The following RBFOX1 variants were observed in gnomAD, a reference collection of about 807,000 sequenced individuals.
RBFOX1 encodes RNA binding protein fox-1 homolog 1.
Under a neutral mutation model 57.7 loss-of-function variants are expected in RBFOX1, and 8 were observed. The observed-to-expected ratio is 0.14, with a 90% CI of 0.08 to 0.25. RBFOX1 has a LOEUF of 0.25. Ranked by LOEUF, RBFOX1 falls within the 10% of genes least tolerant of loss-of-function variation. The pLI is 1.00. For missense variants in RBFOX1, 611 were observed against 548.5 expected (o/e 1.11, Z -1.14); for synonymous variants, 326 against 222.4 (o/e 1.47, Z -4.15).
At chr16:6,657,566 GGTT>G (rs2098668324) in intron 3 of RBFOX1, among the ~76,000 whole-genome samples, 1 of 152,088 alleles carries the variant, frequency 6.6e-6, no homozygotes, top group Admixed American at 6.6e-5. Flanking sequence ...CACACTGATG[GGTT>G]GTTTAGGAAA....
chr16:5,839,792 T>G (rs1431662624), intron 3 of RBFOX1, among the ~76,000 whole-genome samples: 1 of 152,182 alleles, frequency 6.6e-6, no homozygotes, highest in Admixed American at 6.5e-5. Flanking sequence ...GAATGCGGTT[T>G]TCTTTTCTTG....
intron 4 of RBFOX1, among the ~76,000 whole-genome samples, chr16:7,312,377 T>A (rs541217562): frequency 4.6e-5 from 7 of 152,184 alleles, no homozygotes; most frequent in African/African-American, 1.4e-4. Context: ...TGAAACTCTT[T>A]CTCAACAGCA....
At chr16:7,167,578 C>G (rs946999183) in intron 4 of RBFOX1, among the ~76,000 whole-genome samples, 1 of 152,146 alleles carries the variant, frequency 6.6e-6, no homozygotes, top group Admixed American at 6.5e-5. Context: ...TTTAGGATTT[C>G]TGGCCTCCAG....
intron 2 of RBFOX1, among the ~76,000 whole-genome samples, chr16:6,440,874 C>T (rs2094363396): frequency 1.3e-5 from 2 of 150,402 alleles, no homozygotes; most frequent in Admixed American, 6.6e-5. Context: ...TCAAGTGCAA[C>T]AGTGAACAGT....
At chr16:6,732,927 T>C (rs892661494) in intron 3 of RBFOX1, among the ~76,000 whole-genome samples, 7 of 152,222 alleles carry the variant, frequency 4.6e-5, no homozygotes, top group Non-Finnish European at 1.0e-4. Flanking sequence ...ATGATGAAAA[T>C]GCTAATTTCT....
chr16:5,778,699 T>G (rs550490229), intron 3 of RBFOX1, among the ~76,000 whole-genome samples: 1 of 152,182 alleles, frequency 6.6e-6, no homozygotes, highest in East Asian at 1.9e-4. Flanking sequence ...CTATTTAGGG[T>G]GGGGATCCCT....
At chr16:7,090,896 GACCAGCAC>G (rs2151105706) in intron 4 of RBFOX1, among the ~76,000 whole-genome samples, 2 of 130,770 alleles carry the variant, frequency 1.5e-5, no homozygotes, top group African/African-American at 5.5e-5. Flanking sequence ...AACCTCCCTT[GACCAGCAC>G]AAACTCCTGC....
chr16:5,565,609 G>A (rs1020250132), intron 2 of RBFOX1, among the ~76,000 whole-genome samples: 5 of 149,512 alleles, frequency 3.3e-5, no homozygotes, highest in African/African-American at 1.2e-4. Flanking sequence ...TGGGCAATAA[G>A]AGCGAAACTC....
chr16:6,483,564 C>G, intron 2 of RBFOX1: 1 of 1,532,702 alleles, frequency 6.5e-7, no homozygotes, highest in Admixed American at 2.0e-5. Flanking sequence ...GCGAAGAAGA[C>G]TCTAAAACAC....
At chr16:5,505,793 T>C (rs905231778) in intron 2 of RBFOX1, among the ~76,000 whole-genome samples, 1 of 152,144 alleles carries the variant, frequency 6.6e-6, no homozygotes, top group African/African-American at 2.4e-5. Context: ...TGCTTGGGGA[T>C]ACCCCTGGCA....
rs143233782 is a variant in RBFOX1 at position 5,649,036 on chromosome 16, C to T, written c.318+50075C>T. On this transcript the variant is annotated intron_variant, in intron 3 of 19. Transcript: ENST00000641259. ...TAGAGATTGTGCCACTGCACTCCAG[C>T]CTGAGAGACAGAATGAGACTCTGTA... 2.6e-3 allele frequency among the ~76,000 whole-genome samples: 400 copies of T among 151,538 alleles called. 10 individuals carry two copies. The East Asian group carries it at 0.047, about 18-fold the overall frequency.
At chr16:7,338,828 C>T (rs530390503) in intron 4 of RBFOX1, among the ~76,000 whole-genome samples, 1 of 152,272 alleles carries the variant, frequency 6.6e-6, no homozygotes, top group African/African-American at 2.4e-5. Flanking sequence ...ACTTGAAAAA[C>T]AACAGCTTGT....
intron 2 of RBFOX1, among the ~76,000 whole-genome samples, chr16:6,378,195 C>A (rs2091413062): frequency 6.6e-6 from 1 of 152,336 alleles, no homozygotes; most frequent in African/African-American, 2.4e-5. Context: ...AGATGTTTGT[C>A]CTCGCCTCAG....
rs1429438681 is a variant in RBFOX1, at chr16:5,947,630, T to C, written c.351+80295T>C. Among the ~76,000 whole-genome samples, 1 of 152,156 alleles carries C rather than the reference T, an allele frequency of 6.6e-6. No homozygotes were observed. The highest frequency in any genetic ancestry group is 6.5e-5 in the Admixed American group (1 of 15,276). On this transcript the variant is annotated intron_variant, in intron 4 of 19. Coordinates refer to the RBFOX1 transcript ENST00000641259. The surrounding 1 kb of genome is among the most constrained non-coding windows in gnomAD (Gnocchi z 7.2). ...GATCCACCATGTCTTGACCCTTCGA[T>C]TTTAGGTATTTTTATGGCATCCCTT...
chr16:5,580,097 A>G (rs923163543), intron 2 of RBFOX1, among the ~76,000 whole-genome samples: 6 of 152,152 alleles, frequency 3.9e-5, no homozygotes, highest in Admixed American at 6.5e-5. Flanking sequence ...TCTGCTCAGC[A>G]TTACCTACAA....
chr16:7,377,096 T>G (rs567898266), intron 4 of RBFOX1, among the ~76,000 whole-genome samples: 1 of 152,392 alleles, frequency 6.6e-6, no homozygotes, highest in Non-Finnish European at 1.5e-5. Context: ...TTCTTTTTCA[T>G]GATATCTTAC....
chr16:6,667,586 A>C (rs1166013519), intron 3 of RBFOX1, among the ~76,000 whole-genome samples: 1 of 152,088 alleles, frequency 6.6e-6, no homozygotes, highest in African/African-American at 2.4e-5. Flanking sequence ...ATGCACCTTG[A>C]ATAACTGCAA....
Position 6,744,739 on chromosome 16 carries a change from G to C in RBFOX1, c.-16+90089G>C, listed in dbSNP as rs202242508. ...AGCATTAAATACCCATATTAGGATAGTGAAAAATGGTCTTAAATCACTTAC... is the reference window on the plus strand; with the variant it reads ...AGCATTAAATACCCATATTAGGATACTGAAAAATGGTCTTAAATCACTTAC... On this transcript the variant is annotated intron_variant, in intron 3 of 15. Coordinates refer to ENST00000550418, the MANE Select transcript of RBFOX1 (RefSeq NM_018723.4). Among the ~76,000 whole-genome samples, 29 of 152,186 alleles carry C rather than the reference G, an allele frequency of 1.9e-4. 1 individual carries two copies. In the East Asian group the frequency reaches 5.0e-3, roughly 26 times the overall value.
chr16:6,181,926 G>T (rs902184802), intron 1 of RBFOX1, among the ~76,000 whole-genome samples: 1 of 16,972 alleles, frequency 5.9e-5, no homozygotes, highest in African/African-American at 9.1e-5. Flanking sequence ...AGTTTCCATC[G>T]ATGGGGATGC....
Sources: allele counts gnomAD v4.1 joint callset (sites outside exome capture counted in the v4.1 genomes callset), GRCh38; gene constraint gnomAD v4.1.1; non-coding constraint Gnocchi (gnomAD v3.1); transcripts MANE v1.5; gene names NCBI Gene and HGNC (gene_info 2026-07-23, HGNC 2026-07-21).